The following FAM184B variants were observed in gnomAD, a reference collection of about 807,000 sequenced individuals.
FAM184B encodes the protein protein FAM184B.
A neutral mutation model predicts 135.9 loss-of-function variants in FAM184B; 111 were observed. That is an observed-to-expected ratio of 0.82 (90% CI 0.70 to 0.96). The LOEUF is 0.96. Among genes scored for constraint, FAM184B ranks in the 40% least tolerant of loss-of-function variants. FAM184B has a pLI of 0.00. For synonymous variants in FAM184B, 552 were observed against 524.8 expected, an observed-to-expected ratio of 1.05 and a Z score of -0.71; for missense variants, 1,375 against 1,323.9, an observed-to-expected ratio of 1.04 and a Z score of -0.60.
At chr4:17,684,201 TA>T (rs897847840) in intron 7 of FAM184B, among the ~76,000 whole-genome samples, 62 of 133,874 alleles carry the variant, frequency 4.6e-4, no homozygotes, top group African/African-American at 1.3e-3. Context: ...AATAGTTATA[TA>T]AAAAATAATA....
At chr4:17,767,088 C>G (rs905208736) in intron 1 of FAM184B, among the ~76,000 whole-genome samples, 1 of 152,182 alleles carries the variant, frequency 6.6e-6, no homozygotes, top group Non-Finnish European at 1.5e-5. Context: ...GCAGCGCCAG[C>G]CGGCCCCTCC....
At chr4:17,758,553 C>G (rs1281461334) in intron 1 of FAM184B, among the ~76,000 whole-genome samples, 6 of 152,068 alleles carry the variant, frequency 3.9e-5, no homozygotes, top group Non-Finnish European at 7.4e-5. Context: ...TGATTTTTTT[C>G]CAAGGCAAGA....
intron 8 of FAM184B, among the ~76,000 whole-genome samples, chr4:17,663,927 C>T (rs1356869839): frequency 1.3e-5 from 2 of 151,288 alleles, no homozygotes; most frequent in African/African-American, 2.4e-5. Context: ...TCTCACCTGC[C>T]GCCATGTAAG....
chr4:17,694,011 A>T (rs1468676217), intron 5 of FAM184B, among the ~76,000 whole-genome samples: 1 of 152,174 alleles, frequency 6.6e-6, no homozygotes, highest in African/African-American at 2.4e-5. Flanking sequence ...CTATTGCTCC[A>T]TGGTCCCTCA....
intron 1 of FAM184B, among the ~76,000 whole-genome samples, chr4:17,779,067 A>C (rs1406265555): frequency 6.6e-6 from 1 of 152,210 alleles, no homozygotes; most frequent in Non-Finnish European, 1.5e-5. Flanking sequence ...TAAAACCTAA[A>C]GCTCTCAAAC....
rs1489964564 is a variant in FAM184B at position 17,708,950 on chromosome 4, C to T, written c.836G>A (p.Arg279Lys). ...VRKLEGDLEH[R>K]GRKISDLKKY... ...CTTCAGGTCACTTATCTTGCGGCCTCTGTGCTCCAGGTCTCCTTCCAGCTT... is the reference window on the plus strand; with the variant it reads ...CTTCAGGTCACTTATCTTGCGGCCTTTGTGCTCCAGGTCTCCTTCCAGCTT... The change falls in exon 2 of 18, where the codon AGA becomes AAA. Residue 279 changes from arginine to lysine, a missense_variant. Arg to Lys is a conservative substitution (Grantham distance 26). Coordinates refer to ENST00000265018, the MANE Select transcript of FAM184B (RefSeq NM_015688.2). 2.6e-6 allele frequency: 4 copies of T among 1,548,974 alleles called. No homozygotes were observed. The highest frequency in any genetic ancestry group is 3.5e-6 in the Non-Finnish European group (4 of 1,145,870).
intron 1 of FAM184B, among the ~76,000 whole-genome samples, chr4:17,741,370 C>T (rs1718028115): frequency 6.6e-6 from 1 of 152,134 alleles, no homozygotes. Context: ...TAAGGTATCA[C>T]AGGAAAGCGC....
intron 13 of FAM184B, among the ~76,000 whole-genome samples, chr4:17,640,308 TAAAAATAC>T (rs1715271177): frequency 3.6e-5 from 3 of 82,360 alleles, no homozygotes; most frequent in African/African-American, 5.1e-5. Context: ...TCGTCTCTAC[TAAAAATAC>T]AAAAAAAAAA....
chr4:17,727,063 C>G (rs1412403056), intron 1 of FAM184B, among the ~76,000 whole-genome samples: 1 of 152,162 alleles, frequency 6.6e-6, no homozygotes, highest in African/African-American at 2.4e-5. Flanking sequence ...TGCCAGGACA[C>G]ACATAGATTC....
At chr4:17,711,827 G>A (rs1028062266) in intron 1 of FAM184B, among the ~76,000 whole-genome samples, 4 of 152,166 alleles carry the variant, frequency 2.6e-5, no homozygotes, top group Admixed American at 2.6e-4. Context: ...GTGGCACTTG[G>A]GACAGGAGAA....
intron 1 of FAM184B, among the ~76,000 whole-genome samples, chr4:17,739,972 C>G (rs2108982656): frequency 6.6e-6 from 1 of 152,194 alleles, no homozygotes; most frequent in Admixed American, 6.5e-5. Flanking sequence ...TTAAACCTAA[C>G]CCTAAGTAAT....
intron 1 of FAM184B, among the ~76,000 whole-genome samples, chr4:17,753,886 G>A (rs1205410242): frequency 6.6e-6 from 1 of 152,182 alleles, no homozygotes; most frequent in African/African-American, 2.4e-5. Context: ...GACAATTGAA[G>A]TTGACCTCTT....
chr4:17,654,273 T>C (rs1715728965), intron 10 of FAM184B, among the ~76,000 whole-genome samples: 1 of 151,786 alleles, frequency 6.6e-6, no homozygotes, highest in Admixed American at 6.6e-5. Context: ...GAGATGGGCA[T>C]TGGAGAGATG....
At chr4:17,699,364 C>T (rs1326393429) in intron 5 of FAM184B, among the ~76,000 whole-genome samples, 1 of 151,918 alleles carries the variant, frequency 6.6e-6, no homozygotes, top group Non-Finnish European at 1.5e-5. Flanking sequence ...TTCAATGAGC[C>T]TATAACAAAA....
At chr4:17,736,259 C>G (rs192885516) in intron 1 of FAM184B, among the ~76,000 whole-genome samples, 1 of 152,258 alleles carries the variant, frequency 6.6e-6, no homozygotes, top group African/African-American at 2.4e-5. Flanking sequence ...ACTCCACAGC[C>G]TGTGTTCTTA....
intron 7 of FAM184B, among the ~76,000 whole-genome samples, chr4:17,679,631 A>G (rs1022344428): frequency 1.3e-5 from 2 of 152,146 alleles, no homozygotes; most frequent in Admixed American, 1.3e-4. Flanking sequence ...AGGAATCTCC[A>G]TATTGTTTTC....
At chr4:17,666,469 C>CTTTTTTTTTTTTTTTT (rs386399397) in intron 7 of FAM184B, among the ~76,000 whole-genome samples, 114 of 57,116 alleles carry the variant, frequency 2.0e-3, no homozygotes, top group Non-Finnish European at 2.5e-3. Context: ...GTGCCTGGTT[C>CTTTTTTTTTTTTTTTT]TTTTTTTTTT....
intron 1 of FAM184B, among the ~76,000 whole-genome samples, chr4:17,777,902 A>G (rs1718961474): frequency 6.6e-6 from 1 of 152,184 alleles, no homozygotes; most frequent in African/African-American, 2.4e-5. Flanking sequence ...GTCTGAGATC[A>G]GCCTGGGCAA....
At chr4:17,720,300 C>G (rs1435641528) in intron 1 of FAM184B, among the ~76,000 whole-genome samples, 2 of 152,160 alleles carry the variant, frequency 1.3e-5, no homozygotes, top group African/African-American at 4.8e-5. Context: ...AATACCTGCT[C>G]TTCCCACAAT....
Sources: gnomAD v4.1 joint callset for allele counts (sites outside exome capture counted in the v4.1 genomes callset) on GRCh38, gnomAD v4.1.1 for gene constraint, MANE v1.5 for transcripts, NCBI Gene and HGNC (gene_info 2026-07-23, HGNC 2026-07-21) for gene names.